The following CSMD1 variants were observed in gnomAD, a reference collection of about 807,000 sequenced individuals.
CSMD1 encodes CUB and Sushi multiple domains 1, also known as CUB and sushi domain-containing protein 1.
CSMD1 carries 213 observed loss-of-function variants against 417.5 expected under a neutral mutation model. The ratio of observed to expected loss-of-function variants is 0.51; its 90% CI spans 0.46 to 0.57. CSMD1 has a LOEUF of 0.57. CSMD1 is among the 20% of genes least tolerant of loss of function. The probability of loss-of-function intolerance (pLI) is 0.00; values close to 1 mark genes in which losing one functional copy is unlikely to be tolerated. For synonymous variants in CSMD1, 2,862 were observed against 1,736.8 expected (o/e 1.65, Z -16.11); for missense variants, 6,923 against 4,529.7 (o/e 1.53, Z -15.17).
chr8:4,301,856 T>C lies in CSMD1; in HGVS notation c.415+118097A>G, dbSNP rs929324152. Among the ~76,000 whole-genome samples, 10 of 142,580 alleles carry C rather than the reference T, an allele frequency of 7.0e-5. No individual in the cohort carries two copies. In the South Asian group the frequency reaches 2.4e-3, roughly 34 times the overall value. 93.5% of individuals were successfully genotyped at this position (142,580 alleles called of 152,430 possible). On this transcript the variant is annotated intron_variant, in intron 3 of 69. Coordinates refer to ENST00000635120, the MANE Select transcript of CSMD1 (RefSeq NM_033225.6). Reference sequence around the variant, plus strand: ...GAAAGCATCGGTGATTTCACCATTCTTCTGCCCAAGCTTCACCATAAATTT... The same window carrying C: ...GAAAGCATCGGTGATTTCACCATTCCTCTGCCCAAGCTTCACCATAAATTT...
intron 11 of CSMD1, among the ~76,000 whole-genome samples, chr8:3,488,905 C>G (rs897224748): frequency 2.0e-5 from 3 of 152,086 alleles, no homozygotes; most frequent in South Asian, 4.1e-4. Context: ...GGTTTGATTT[C>G]TAATCATGTT....
intron 4 of CSMD1, among the ~76,000 whole-genome samples, chr8:4,024,309 T>A (rs1563331264): frequency 6.6e-6 from 1 of 152,168 alleles, no homozygotes; most frequent in Admixed American, 6.5e-5. Flanking sequence ...ACAAATTACA[T>A]AAAAGACAAT....
At chr8:4,045,237 G>C (rs58328772) in intron 3 of CSMD1, among the ~76,000 whole-genome samples, 12,057 of 152,174 alleles carry the variant, frequency 0.079, 1,292 homozygotes, top group African/African-American at 0.24. Flanking sequence ...CCATTAATGA[G>C]CTTAGGAGCA....
chr8:4,311,492 T>G (rs956021035), intron 3 of CSMD1, among the ~76,000 whole-genome samples: 1 of 152,024 alleles, frequency 6.6e-6, no homozygotes, highest in Non-Finnish European at 1.5e-5. Flanking sequence ...GAAGGCCAAG[T>G]TGGGCAGATC....
chr8:4,700,598 T>C (rs920483093), intron 1 of CSMD1, among the ~76,000 whole-genome samples: 2 of 152,098 alleles, frequency 1.3e-5, no homozygotes, highest in Admixed American at 6.6e-5. Context: ...AGTGAAATAA[T>C]TGGGTATCAT....
intron 3 of CSMD1, among the ~76,000 whole-genome samples, chr8:4,178,019 C>G (rs1798147607): frequency 6.6e-6 from 1 of 152,162 alleles, no homozygotes; most frequent in Non-Finnish European, 1.5e-5. Context: ...GAACTAGTAC[C>G]ATTCCTTCTG....
At chr8:4,612,718 G>A (rs573168751) in intron 2 of CSMD1, among the ~76,000 whole-genome samples, 2 of 152,260 alleles carry the variant, frequency 1.3e-5, no homozygotes, top group South Asian at 4.1e-4. Flanking sequence ...TATGGAGGCT[G>A]GTGGGTGTGT....
chr8:4,603,823 T>C (rs1402848837), intron 2 of CSMD1, among the ~76,000 whole-genome samples: 1 of 152,176 alleles, frequency 6.6e-6, no homozygotes, highest in Admixed American at 6.5e-5. Context: ...GCAGCACACA[T>C]TTTAAATATT....
chr8:3,824,441 CT>C (rs1194677917), intron 5 of CSMD1, among the ~76,000 whole-genome samples: 5 of 152,140 alleles, frequency 3.3e-5, no homozygotes, highest in Admixed American at 1.3e-4. Context: ...TCCTGTGTAA[CT>C]TTTCATTCTG....
rs146810552 is a variant in CSMD1, at chr8:4,959,927, A to T, written c.85+34405T>A. On this transcript the variant is annotated intron_variant, in intron 1 of 69. Transcript: ENST00000635120. ...CAATCTTCCCTATTTTCTGCTCTAC[A>T]CTTTTAAAATAACACTTACTCTCCT... Among the ~76,000 whole-genome samples, 86 of 152,254 alleles carry T rather than the reference A, an allele frequency of 5.6e-4. 2 individuals carry two copies. In the East Asian group the frequency reaches 6.8e-3, roughly 12 times the overall value.
intron 12 of CSMD1, among the ~76,000 whole-genome samples, chr8:3,421,556 GA>G (rs1457107965): frequency 2.6e-5 from 4 of 152,174 alleles, no homozygotes; most frequent in Non-Finnish European, 5.9e-5. Flanking sequence ...GCCAATTCAA[GA>G]TAATATTTAG....
intron 4 of CSMD1, among the ~76,000 whole-genome samples, chr8:4,015,541 G>A (rs983659884): frequency 1.3e-5 from 2 of 150,968 alleles, no homozygotes; most frequent in African/African-American, 4.9e-5. Flanking sequence ...TATTTAGCAT[G>A]TTTTATTAAA....
chr8:3,339,368 G>C (rs1470257691), intron 23 of CSMD1, among the ~76,000 whole-genome samples: 1 of 152,044 alleles, frequency 6.6e-6, no homozygotes, highest in African/African-American at 2.4e-5. Context: ...TATCAAAAAA[G>C]TGAGACTTTT....
intron 5 of CSMD1, among the ~76,000 whole-genome samples, chr8:3,881,768 C>T (rs557206384): frequency 6.6e-6 from 1 of 152,004 alleles, no homozygotes; most frequent in African/African-American, 2.4e-5. Context: ...TTACTTAAGA[C>T]TCTGAATGGT....
chr8:2,938,820 G>T, intron 69 of CSMD1, 76 bp from the exon 70 acceptor site: 2 of 1,339,068 alleles, frequency 1.5e-6, no homozygotes, highest in Non-Finnish European at 1.0e-6. Flanking sequence ...GTGTGCAGGA[G>T]ACAACGTCTA....
At chr8:4,684,957 G>A (rs2116731950) in intron 1 of CSMD1, among the ~76,000 whole-genome samples, 1 of 152,256 alleles carries the variant, frequency 6.6e-6, no homozygotes, top group East Asian at 1.9e-4. Context: ...TTGCTGAAAT[G>A]GAAGCCTATT....
intron 5 of CSMD1, chr8:3,950,050 A>G (rs1811502789): frequency 4.4e-6 from 2 of 453,752 alleles, no homozygotes; most frequent in Admixed American, 4.7e-5. Context: ...GTCACGCTAC[A>G]GACAGGACTG....
chr8:4,352,848 TG>T (rs1801176663), intron 3 of CSMD1, among the ~76,000 whole-genome samples: 2 of 152,186 alleles, frequency 1.3e-5, no homozygotes, highest in Admixed American at 1.3e-4. Flanking sequence ...AGATTGGACC[TG>T]TTTCTCTTTG....
intron 5 of CSMD1, among the ~76,000 whole-genome samples, chr8:3,892,329 A>T (rs1795487276): frequency 6.6e-6 from 1 of 152,140 alleles, no homozygotes; most frequent in Admixed American, 6.5e-5. Flanking sequence ...AACTGTCTTC[A>T]GCCTATGTCT....
Sources: allele counts gnomAD v4.1 joint callset (sites outside exome capture counted in the v4.1 genomes callset), GRCh38; gene constraint gnomAD v4.1.1; transcripts MANE v1.5; gene names NCBI Gene and HGNC (gene_info 2026-07-23, HGNC 2026-07-21).